Variants in PWP1 observed in about 807,000 individuals in gnomAD.
PWP1 encodes PWP1 homolog, endonuclein.
In PWP1, 47 loss-of-function variants were observed where a neutral mutation model predicts 69.9. The observed-to-expected ratio is 0.67, with a 90% confidence interval of 0.53 to 0.86. The LOEUF is 0.86. PWP1 is among the 40% of genes least tolerant of loss of function. PWP1 has a pLI of 0.00. For synonymous variants in PWP1, 222 were observed against 208.2 expected (o/e 1.07, Z -0.57); for missense variants, 551 against 608.8 (o/e 0.91, Z 1.00).
At chr12:107,702,271 A>C (rs890028257) in intron 8 of PWP1, among the ~76,000 whole-genome samples, 1 of 151,376 alleles carries the variant, frequency 6.6e-6, no homozygotes, top group Non-Finnish European at 1.5e-5. Context: ...TACTAATAAT[A>C]GTAGTACATC....
At chr12:107,691,179 G>A (rs1010685409) in intron 3 of PWP1, among the ~76,000 whole-genome samples, 1 of 152,220 alleles carries the variant, frequency 6.6e-6, no homozygotes, top group Non-Finnish European at 1.5e-5. Context: ...GAAGCCTTTA[G>A]TGCCAGAGCA....
At chr12:107,704,438 C>T (rs1023242982) in intron 10 of PWP1, among the ~76,000 whole-genome samples, 198 bp from the exon 11 acceptor site, 9 of 152,182 alleles carry the variant, frequency 5.9e-5, no homozygotes, top group Non-Finnish European at 5.9e-5. Context: ...TTAGAGGCAC[C>T]AGTGCCTTCA....
intron 8 of PWP1, among the ~76,000 whole-genome samples, chr12:107,701,854 T>A (rs1174035214): frequency 6.6e-6 from 1 of 152,126 alleles, no homozygotes; most frequent in Non-Finnish European, 1.5e-5. Flanking sequence ...ATTTTTGTAT[T>A]TTTAATAGAG....
intron 1 of PWP1, 187 bp downstream of exon 1, chr12:107,686,158 G>C: frequency 1.5e-6 from 1 of 645,242 alleles, no homozygotes; most frequent in South Asian, 1.8e-5. Context: ...CCTGAGCCTG[G>C]AGAGTCAAGG....
At chr12:107,708,110 A>T (rs183248480) in intron 11 of PWP1, among the ~76,000 whole-genome samples, 60 of 152,260 alleles carry the variant, frequency 3.9e-4, no homozygotes, top group Non-Finnish European at 6.9e-4. Context: ...GTTGTACTTG[A>T]ATGTTGTGTT....
At position 107,688,803 on chromosome 12, in the gene PWP1, G is replaced by T; in HGVS notation, c.319+1G>T. On this transcript the variant is annotated splice_donor_variant, in intron 3 of 14. Transcript: ENST00000412830. LOFTEE classifies it high-confidence loss of function. ...AAATATGATGAGGAAGGTGACCCAG[G>T]TTAGTTTATCCACTTCTGATGGTTT... 1 of 1,612,698 alleles carries T rather than the reference G, an allele frequency of 6.2e-7. No homozygotes were observed. Among genetic ancestry groups the T allele is most frequent in the Non-Finnish European group, 8.5e-7 (1 of 1,179,306 alleles).
intron 8 of PWP1, among the ~76,000 whole-genome samples, chr12:107,701,136 CT>C (rs908170295): frequency 3.3e-5 from 5 of 151,954 alleles, no homozygotes; most frequent in Admixed American, 2.6e-4. Flanking sequence ...CCTTTGCTTA[CT>C]TTTTTTTGAG....
chr12:107,701,688 G>C (rs1199278238), intron 8 of PWP1, among the ~76,000 whole-genome samples: 1 of 151,564 alleles, frequency 6.6e-6, no homozygotes, highest in Non-Finnish European at 1.5e-5. Context: ...ATTTGTTTTT[G>C]TTTTGTGTGA....
chr12:107,697,252 A>C (rs924181816), intron 6 of PWP1, among the ~76,000 whole-genome samples: 2 of 152,220 alleles, frequency 1.3e-5, no homozygotes, highest in Non-Finnish European at 2.9e-5. Flanking sequence ...GCAGCAGCAC[A>C]GCATGGTTAT....
chr12:107,693,122 G>T (rs2136273765), intron 5 of PWP1, 26 bp downstream of exon 5: 5 of 1,567,554 alleles, frequency 3.2e-6, no homozygotes, highest in Non-Finnish European at 4.3e-6. Flanking sequence ...CTTATTAAAA[G>T]ATTTTCTAAG....
chr12:107,699,539 A>G (rs1889662262), intron 8 of PWP1, 105 bp downstream of exon 8: 6 of 925,030 alleles, frequency 6.5e-6, no homozygotes, highest in South Asian at 3.4e-5. Flanking sequence ...CTTTGTGTCT[A>G]TCTTCCTTTC....
chr12:107,686,114 G>A, intron 1 of PWP1, 143 bp downstream of exon 1: 1 of 824,146 alleles, frequency 1.2e-6, no homozygotes, highest in Non-Finnish European at 1.9e-6. Flanking sequence ...CCGGATTGTC[G>A]CGACTAGAGC....
intron 11 of PWP1, among the ~76,000 whole-genome samples, chr12:107,708,428 C>CTT (rs1457981561): frequency 2.0e-5 from 3 of 152,024 alleles, no homozygotes; most frequent in Non-Finnish European, 2.9e-5. Context: ...TCCTTCATTT[C>CTT]TTCTTTCTTT....
chr12:107,711,254 C>T, intron 14 of PWP1, among the ~76,000 whole-genome samples: 1 of 152,146 alleles, frequency 6.6e-6, no homozygotes, highest in Admixed American at 6.5e-5. Flanking sequence ...CTTAAGAATG[C>T]CTTTAAGCAG....
chr12:107,702,724 T>G, intron 8 of PWP1, among the ~76,000 whole-genome samples: 1 of 152,256 alleles, frequency 6.6e-6, no homozygotes, highest in Non-Finnish European at 1.5e-5. Flanking sequence ...TTCTAATACA[T>G]GAACATGGGG....
intron 14 of PWP1, among the ~76,000 whole-genome samples, chr12:107,711,371 T>A (rs1889949503): frequency 6.6e-6 from 1 of 152,162 alleles, no homozygotes; most frequent in Non-Finnish European, 1.5e-5. Flanking sequence ...GCTGAAGAGA[T>A]TTTGTTTATG....
Position 107,693,081 on chromosome 12 carries a change from A to C in PWP1, c.487A>C (p.Asn163His). Residue 163 changes from asparagine (N) to histidine (H), a missense_variant, in exon 5 of 15, where the codon AAT (asparagine) becomes CAT (histidine). Asn to His is a moderately conservative substitution (Grantham distance 68, BLOSUM62 1). Coordinates refer to ENST00000412830, the MANE Select transcript of PWP1 (RefSeq NM_007062.3). ...TGGCCGAGCTGAACAGGACCAGTGC[A>C]ATTTAGAGGTGCATGGTAAGTGATA... is the stretch of plus-strand genomic sequence containing the variant. ...VCGRAEQDQC[N>H]LEVHVYNQEE... 1 of 1,608,810 alleles carries C rather than the reference A, an allele frequency of 6.2e-7. No individual in the cohort carries two copies. The highest frequency in any genetic ancestry group is 1.1e-5 in the South Asian group (1 of 89,572).
chr12:107,696,571 A>G lies in PWP1; in HGVS notation c.600A>G (p.Pro200=). 1 of 1,614,148 alleles carries G rather than the reference A, an allele frequency of 6.2e-7. No individual in the cohort carries two copies. Among genetic ancestry groups the G allele is most frequent in the Non-Finnish European group, 8.5e-7 (1 of 1,179,994 alleles). ...AATGGCTGAATTTTGATCCTAGCCC[A>G]GATGATTCTACTGGTAATTAGAAAA... ...SVEWLNFDPS[P]DDSTGNYIAV... The change falls in exon 6 of 15, where the codon CCA becomes CCG. Residue 200 remains proline, a synonymous_variant. Transcript: ENST00000412830.
rs1206228172 is a variant in PWP1 at position 107,712,682 on chromosome 12, CTCA to C, written c.*464_*466del. 1.3e-5 allele frequency: 2 copies of C among 153,164 alleles called. No homozygotes were observed. The highest frequency in any genetic ancestry group is 2.9e-5 in the Non-Finnish European group (2 of 68,764). 9.5% of individuals were successfully genotyped at this position (153,164 alleles called of 1,614,324 possible). A position where few individuals can be genotyped will look rare whatever the true frequency, so the allele number is the denominator to read the frequency against. ...ATTCCTAACTGTTCTCAAATTAATG[CTCA>C]TGATTGAGTATTCTCAGTGCAACTC... On this transcript the variant is annotated 3_prime_UTR_variant, in exon 15 of 15. Transcript: ENST00000412830.
Sources: allele counts gnomAD v4.1 joint callset (sites outside exome capture counted in the v4.1 genomes callset), GRCh38; gene constraint gnomAD v4.1.1; transcripts MANE v1.5; gene names NCBI Gene and HGNC (gene_info 2026-07-23, HGNC 2026-07-21).